PCDH9: variants seen among roughly 807,000 people sequenced by gnomAD.
PCDH9 encodes protocadherin-9.
PCDH9 carries 24 observed loss-of-function variants against 70.6 expected under a neutral mutation model. That is an observed-to-expected ratio of 0.34 (90% CI 0.25 to 0.48). The LOEUF (loss-of-function observed/expected upper bound fraction) is 0.48, where lower values mean the gene tolerates loss of function less well. Among genes scored for constraint, PCDH9 ranks in the 20% least tolerant of loss-of-function variants. The pLI, the probability that PCDH9 is intolerant of heterozygous loss-of-function variation, is 0.99. For synonymous variants in PCDH9, 562 were observed against 558.5 expected (o/e 1.01, Z -0.09); for missense variants, 1,281 against 1,503.6 (o/e 0.85, Z 2.45).
At chr13:66,800,482 A>T (rs1413584103) in intron 3 of PCDH9, among the ~76,000 whole-genome samples, 1 of 152,120 alleles carries the variant, frequency 6.6e-6, no homozygotes, top group East Asian at 1.9e-4. Flanking sequence ...ATTTGTTTCC[A>T]GCACCCTCAT....
At chr13:66,522,369 A>G (rs1275889388) in intron 4 of PCDH9, among the ~76,000 whole-genome samples, 3 of 152,136 alleles carry the variant, frequency 2.0e-5, no homozygotes, top group Non-Finnish European at 1.5e-5. Context: ...TTTGACCAAA[A>G]TTTCAAGTTA....
chr13:66,730,209 T>C (rs2079054664), intron 3 of PCDH9, among the ~76,000 whole-genome samples: 1 of 152,184 alleles, frequency 6.6e-6, no homozygotes, highest in Non-Finnish European at 1.5e-5. Flanking sequence ...TTTCTTTTTC[T>C]TCTTTTATTT....
chr13:66,343,044 A>T (rs1267226468), intron 4 of PCDH9, among the ~76,000 whole-genome samples: 1 of 152,114 alleles, frequency 6.6e-6, no homozygotes, highest in East Asian at 1.9e-4. Flanking sequence ...TAAACAAGCA[A>T]AAAACAACCA....
intron 2 of PCDH9, among the ~76,000 whole-genome samples, chr13:67,118,829 A>G (rs2086826341): frequency 6.6e-6 from 1 of 152,156 alleles, no homozygotes; most frequent in Non-Finnish European, 1.5e-5. Context: ...CCTTTTCCTA[A>G]CAAATAATTT....
Position 66,369,005 on chromosome 13 carries a change from G to C in PCDH9, c.3341-63977C>G, listed in dbSNP as rs557288584. Reference sequence around the variant, plus strand: ...GAATTCAAGATGAGAGTTGTGTGGAGATGCAGCCAAGCCATATTAATTAGG... The same window carrying C: ...GAATTCAAGATGAGAGTTGTGTGGACATGCAGCCAAGCCATATTAATTAGG... On this transcript the variant is annotated intron_variant, in intron 4 of 4. Transcript: ENST00000377865. Among the ~76,000 whole-genome samples the C allele has an allele frequency of 1.5e-3, 232 of 152,242 alleles. 1 individual carries two copies. The highest frequency in any genetic ancestry group is 2.8e-3 in the Non-Finnish European group (193 of 68,010).
intron 3 of PCDH9, among the ~76,000 whole-genome samples, chr13:66,743,940 T>C (rs969598763): frequency 6.6e-6 from 1 of 151,724 alleles, no homozygotes; most frequent in Non-Finnish European, 1.5e-5. Context: ...CTGGGAAAAA[T>C]AGACATGTCT....
intron 3 of PCDH9, among the ~76,000 whole-genome samples, chr13:66,670,912 TAAAAAAAAA>T (rs35287889): frequency 1.7e-3 from 201 of 120,210 alleles, no homozygotes; most frequent in Non-Finnish European, 2.7e-3. Context: ...TGTTCTTATT[TAAAAAAAAA>T]AAAAAAAAAA....
chr13:66,820,528 CTT>C (rs2080692342), intron 3 of PCDH9, among the ~76,000 whole-genome samples: 1 of 152,106 alleles, frequency 6.6e-6, no homozygotes, highest in African/African-American at 2.4e-5. Flanking sequence ...AAATCATTCT[CTT>C]ATAAAGACGG....
chr13:66,337,888 G>A (rs773216339), intron 4 of PCDH9, among the ~76,000 whole-genome samples: 59 of 151,996 alleles, frequency 3.9e-4, no homozygotes, highest in Non-Finnish European at 7.7e-4. Flanking sequence ...GATTTTAGAA[G>A]CTCAAAATAC....
rs1019213048 is a variant in PCDH9 at position 66,748,733 on chromosome 13, T to G, written c.3139-117322A>C. On this transcript the variant is annotated intron_variant, in intron 3 of 4. Transcript: ENST00000377865. ...AATCATCGTTATCACAGCATAATAT[T>G]GCTTAAGGATACACACACAAACACA... Among the ~76,000 whole-genome samples, 4 of 152,306 alleles carry G rather than the reference T, an allele frequency of 2.6e-5. No individual in the cohort carries two copies. In the South Asian group the frequency reaches 8.3e-4, roughly 32 times the overall value.
chr13:66,511,051 A>G (rs1048604804), intron 4 of PCDH9, among the ~76,000 whole-genome samples: 9 of 152,132 alleles, frequency 5.9e-5, no homozygotes, highest in African/African-American at 2.2e-4. Flanking sequence ...CACGAGATAA[A>G]TGGTATCAAT....
rs2085578148 is a variant in PCDH9, at chr13:67,063,423, G to A, written c.3037-159818C>T. On this transcript the variant is annotated intron_variant, in intron 2 of 4. Coordinates refer to ENST00000377865, the MANE Select transcript of PCDH9 (RefSeq NM_203487.3). ...CTTGGGGAGGTGCTTTAACTACTTT[G>A]CATAATTTTAATACTTACAATAACT... Among the ~76,000 whole-genome samples, 3 of 151,754 alleles carry A rather than the reference G, an allele frequency of 2.0e-5. No homozygotes were observed. The South Asian group carries it at 6.2e-4, about 31-fold the overall frequency.
chr13:66,644,240 CATG>C (rs1281859582), intron 3 of PCDH9, among the ~76,000 whole-genome samples: 7 of 151,680 alleles, frequency 4.6e-5, no homozygotes, highest in South Asian at 2.1e-4. Flanking sequence ...TATAAAAAAA[CATG>C]ATAAGTTAAC....
Position 66,520,921 on chromosome 13 carries a change from G to A in PCDH9, c.3340+110289C>T, listed in dbSNP as rs151139989. Among the ~76,000 whole-genome samples, 658 of 152,256 alleles carry A rather than the reference G, an allele frequency of 4.3e-3. 3 individuals carry two copies. Among genetic ancestry groups the A allele is most frequent in the African/African-American group, 0.015 (629 of 41,554 alleles). The stretch of plus-strand genomic sequence containing the variant: ...TACTGGCAGAAGCTGGTGAGTTCTT[G>A]CAAAGGAGGCGTGTTTGACTGTATT... On this transcript the variant is annotated intron_variant, in intron 4 of 4. Coordinates refer to ENST00000377865, the MANE Select transcript of PCDH9 (RefSeq NM_203487.3).
chr13:66,697,905 A>G (rs2078585746), intron 3 of PCDH9, among the ~76,000 whole-genome samples: 1 of 152,248 alleles, frequency 6.6e-6, no homozygotes, highest in Non-Finnish European at 1.5e-5. Flanking sequence ...ATGGTAAACA[A>G]AATGTTATAT....
intron 2 of PCDH9, among the ~76,000 whole-genome samples, chr13:67,099,452 C>A (rs764831684): frequency 6.6e-6 from 1 of 152,034 alleles, no homozygotes; most frequent in African/African-American, 2.4e-5. Context: ...TTATCGGGCC[C>A]TATATATCTA....
intron 4 of PCDH9, among the ~76,000 whole-genome samples, chr13:66,356,635 T>G (rs868430126): frequency 6.6e-6 from 1 of 152,024 alleles, no homozygotes; most frequent in African/African-American, 2.4e-5. Context: ...TGAAACAAAG[T>G]GCAAAAACAA....
At chr13:66,950,734 C>A (rs567132009) in intron 2 of PCDH9, among the ~76,000 whole-genome samples, 16 of 152,152 alleles carry the variant, frequency 1.1e-4, no homozygotes, top group Admixed American at 5.9e-4. Context: ...AGGACCTTGA[C>A]AAAACAAATA....
chr13:67,152,486 C>T (rs1297864618), intron 2 of PCDH9, among the ~76,000 whole-genome samples: 1 of 152,176 alleles, frequency 6.6e-6, no homozygotes, highest in Non-Finnish European at 1.5e-5. Context: ...CAGTTAAAAT[C>T]AGCATATCTT....
Sources: gnomAD v4.1 joint callset for allele counts (sites outside exome capture counted in the v4.1 genomes callset) on GRCh38, gnomAD v4.1.1 for gene constraint, MANE v1.5 for transcripts, NCBI Gene and HGNC (gene_info 2026-07-23, HGNC 2026-07-21) for gene names.